ZNF567: variants seen among roughly 807,000 people sequenced by gnomAD.
ZNF567 encodes zinc finger protein 567.
In ZNF567, 36 loss-of-function variants were observed where a neutral mutation model predicts 53.9. That is an observed-to-expected ratio of 0.67 (90% CI 0.51 to 0.88). The LOEUF is 0.88. ZNF567 is among the 40% of genes least tolerant of loss of function. The pLI, the probability that ZNF567 is intolerant of heterozygous loss-of-function variation, is 0.00. For synonymous variants in ZNF567, 224 were observed against 260.4 expected (o/e 0.86, Z 1.35); for missense variants, 619 against 764.7 (o/e 0.81, Z 2.25).
At chr19:36,674,290 T>C in the ZNF567 span, among the ~76,000 whole-genome samples, 1 of 152,314 alleles carries the variant, frequency 6.6e-6, no homozygotes, top group South Asian at 2.1e-4. Context: ...TACTAAGATA[T>C]AATTGCTGCT....
chr19:36,727,051 T>TTTTTTTTATTTATTTA (rs375039358), downstream of ZNF567: 1 of 120,866 alleles, frequency 8.3e-6, no homozygotes, highest in African/African-American at 3.3e-5. Flanking sequence ...AGTAGATCAA[T>TTTTTTTTATTTATTTA]TTTATTTATT....
At position 36,712,844 on chromosome 19, in the gene ZNF567, C is replaced by G. The variant is rs2039859179; in HGVS notation, c.200C>G (p.Ser67Ter). ...GAACGAGGAGAAGAGCCATGGACAT[C>G]ATTTGCAGGTCATACCTGCTTGGGT... ...KLERGEEPWT[S>*]FAGHTCLEEN... The change falls in exon 5 of 6, where the codon TCA (serine) becomes TGA (stop). Residue 67 changes from serine to a stop codon, truncating the protein, a stop_gained. Transcript: ENST00000682579. LOFTEE classifies it high-confidence loss of function. 1 of 1,613,984 alleles carries G rather than the reference C, an allele frequency of 6.2e-7. No homozygotes were observed. The highest frequency in any genetic ancestry group is 1.3e-5 in the African/African-American group (1 of 74,938).
the ZNF567 span, among the ~76,000 whole-genome samples, chr19:36,677,629 T>C: frequency 6.6e-6 from 1 of 151,436 alleles, no homozygotes; most frequent in Non-Finnish European, 1.5e-5. Flanking sequence ...TAGCCAGGCA[T>C]GGTGGTGCGC....
chr19:36,670,762 T>C, the ZNF567 span, among the ~76,000 whole-genome samples: 1 of 152,128 alleles, frequency 6.6e-6, no homozygotes, highest in Non-Finnish European at 1.5e-5. Context: ...CAGACACATA[T>C]CGTAAGTTAG....
At chr19:36,694,977 T>C (rs1201917272) in intron 3 of ZNF567, 101 bp downstream of exon 3, 32 of 1,319,972 alleles carry the variant, frequency 2.4e-5, no homozygotes, top group Non-Finnish European at 3.2e-5. Context: ...CTCCTACCTA[T>C]CTTTCCCTTC....
chr19:36,676,029 G>GTCTATATT, the ZNF567 span, among the ~76,000 whole-genome samples: 1 of 88,882 alleles, frequency 1.1e-5, no homozygotes, highest in African/African-American at 4.1e-5. Context: ...TTTTGGATTT[G>GTCTATATT]TCTATATTTT....
chr19:36,726,982 T>TTCTTTCTTTCTTTC (rs375360156), downstream of ZNF567: 10 of 55,390 alleles, frequency 1.8e-4, no homozygotes, highest in East Asian at 1.1e-3. Flanking sequence ...CTTTCTTTCT[T>TTCTTTCTTTCTTTC]TTTCTTTCTT....
Position 36,719,545 on chromosome 19 carries a change from T to G in ZNF567, c.821T>G (p.Ile274Ser). The G allele has an allele frequency of 6.2e-7, 1 of 1,613,988 alleles. No homozygotes were observed. Among genetic ancestry groups the G allele is most frequent in the Non-Finnish European group, 8.5e-7 (1 of 1,179,982 alleles). The part of the protein sequence containing the change: ...RKSVLILHQG[I>S]HSEEKPYQCH... ...TCAGTATTGATTCTGCATCAGGGAA[T>G]TCACTCAGAAGAAAAACCCTATCAA... The change falls in exon 6 of 6, where the codon ATT becomes AGT. Residue 274 changes from isoleucine (I) to serine (S), a missense_variant. By Grantham distance (142) the Ile-to-Ser change is moderately radical. Transcript: ENST00000682579.
At chr19:36,721,767 CAG>C (rs1329815561), downstream of ZNF567, among the ~76,000 whole-genome samples, 34 of 101,038 alleles carry the variant, frequency 3.4e-4, no homozygotes, top group South Asian at 2.4e-3. Context: ...TTTTTTGAGA[CAG>C]AGTCTCGCTC....
intron 1 of ZNF567, among the ~76,000 whole-genome samples, chr19:36,688,819 A>G (rs1267036707): frequency 1.4e-5 from 2 of 140,914 alleles, no homozygotes; most frequent in Non-Finnish European, 3.1e-5. Context: ...AAAAAAAAAA[A>G]AGATTGGGCC....
chr19:36,726,448 G>T (rs1430487148), downstream of ZNF567, among the ~76,000 whole-genome samples: 1 of 152,184 alleles, frequency 6.6e-6, no homozygotes, highest in Non-Finnish European at 1.5e-5. Flanking sequence ...GTGCCACATA[G>T]GGGGTGAGAA....
At chr19:36,698,800 C>T (rs1351161445) in intron 3 of ZNF567, among the ~76,000 whole-genome samples, 1 of 152,028 alleles carries the variant, frequency 6.6e-6, no homozygotes, top group Admixed American at 6.6e-5. Flanking sequence ...TGTTTGAGTT[C>T]ATTATAGATT....
At chr19:36,711,808 G>A (rs2039800458) in intron 3 of ZNF567, 1 of 152,348 alleles carries the variant, frequency 6.6e-6, no homozygotes, top group African/African-American at 2.4e-5. Flanking sequence ...CAGAAACAGT[G>A]TTTGTCTTGG....
At chr19:36,688,769 T>C (rs1408602487) in intron 1 of ZNF567, among the ~76,000 whole-genome samples, 1 of 144,220 alleles carries the variant, frequency 6.9e-6, no homozygotes, top group Admixed American at 7.1e-5. Flanking sequence ...ATCGTGCCAC[T>C]GCAATCCAGC....
At chr19:36,691,354 G>T (rs146309417) in intron 2 of ZNF567, among the ~76,000 whole-genome samples, 327 of 151,938 alleles carry the variant, frequency 2.2e-3, no homozygotes, top group Non-Finnish European at 4.0e-3. Context: ...TTGTACAGTT[G>T]GGGGTCTTGC....
At chr19:36,691,756 T>C (rs1041026373) in intron 2 of ZNF567, among the ~76,000 whole-genome samples, 2 of 152,210 alleles carry the variant, frequency 1.3e-5, no homozygotes, top group South Asian at 4.1e-4. Flanking sequence ...AGTAAGGATG[T>C]TGCAATTAGT....
chr19:36,698,119 C>G (rs184720771), intron 3 of ZNF567, among the ~76,000 whole-genome samples: 2 of 152,150 alleles, frequency 1.3e-5, no homozygotes, highest in East Asian at 3.9e-4. Flanking sequence ...GTTCCCCTTC[C>G]TGTGTCCATG....
At chr19:36,691,184 G>T (rs916674378) in intron 2 of ZNF567, among the ~76,000 whole-genome samples, 1 of 151,600 alleles carries the variant, frequency 6.6e-6, no homozygotes, top group East Asian at 1.9e-4. Context: ...CTGAGACAAG[G>T]TCTCCCTCCG....
chr19:36,723,321 C>A, downstream of ZNF567: 1 of 690,466 alleles, frequency 1.4e-6, no homozygotes, highest in Non-Finnish European at 2.6e-6. Flanking sequence ...CAGTGGCTAC[C>A]ACAAAAAATA....
Sources: gnomAD v4.1 joint callset for allele counts (sites outside exome capture counted in the v4.1 genomes callset) on GRCh38, gnomAD v4.1.1 for gene constraint, MANE v1.5 for transcripts, NCBI Gene and HGNC (gene_info 2026-07-23, HGNC 2026-07-21) for gene names.